TTLL9: variants seen among roughly 807,000 people sequenced by gnomAD.
TTLL9 encodes tubulin tyrosine ligase like 9, also known as probable tubulin polyglutamylase TTLL9.
In TTLL9, 47 loss-of-function variants were observed where a neutral mutation model predicts 65.6. That is an observed-to-expected ratio of 0.72 (90% CI 0.57 to 0.91). The LOEUF is 0.91. TTLL9 is among the 40% of genes least tolerant of loss of function. TTLL9 has a pLI of 0.00. For synonymous variants in TTLL9, 179 were observed against 204.8 expected, an observed-to-expected ratio of 0.87 and a Z score of 1.07; for missense variants, 537 against 568.8, an observed-to-expected ratio of 0.94 and a Z score of 0.57.
intron 4 of TTLL9, among the ~76,000 whole-genome samples, chr20:31,907,450 G>A (rs141748407): frequency 6.6e-6 from 1 of 152,272 alleles, no homozygotes; most frequent in Non-Finnish European, 1.5e-5. Context: ...GGCCGGGCAC[G>A]GTGGCTCACA....
intron 3 of TTLL9, among the ~76,000 whole-genome samples, chr20:31,890,083 TCTTG>T (rs1360179651): frequency 3.1e-4 from 44 of 141,610 alleles, no homozygotes; most frequent in East Asian, 1.4e-3. Flanking sequence ...TTTCTTGCTT[TCTTG>T]CTTTCTTTCC....
At chr20:31,937,824 G>A (rs1032614545) in intron 13 of TTLL9, among the ~76,000 whole-genome samples, 2 of 152,076 alleles carry the variant, frequency 1.3e-5, no homozygotes, top group Non-Finnish European at 2.9e-5. Flanking sequence ...TTCCTCATCT[G>A]TAAAATAGGA....
rs753629985 is a variant in TTLL9 at position 31,926,066 on chromosome 20, G to T, written c.723G>T (p.Leu241=). The part of the protein sequence containing the change: ...VLVMSVFAEC[L]LWSGHRRQDV... ...TCCCACAGGTGTTTGCTGAATGCCT[G>T]CTGTGGTCTGGGCACAGGAGACAGG... Residue 241 remains leucine, a synonymous_variant, in exon 10 of 15, where the codon CTG becomes CTT. Transcript: ENST00000535842. 2 of 1,612,840 alleles carry T rather than the reference G, an allele frequency of 1.2e-6. No individual in the cohort carries two copies. The highest frequency in any genetic ancestry group is 2.7e-5 in the African/African-American group (2 of 74,834).
At chr20:31,928,007 T>G (rs1386367731) in intron 10 of TTLL9, among the ~76,000 whole-genome samples, 1 of 152,200 alleles carries the variant, frequency 6.6e-6, no homozygotes. Flanking sequence ...AACAAGCATT[T>G]ATCATATGCA....
intron 4 of TTLL9, chr20:31,901,276 G>A (rs2063475418): frequency 6.6e-6 from 1 of 152,226 alleles, no homozygotes; most frequent in Admixed American, 6.5e-5. Flanking sequence ...CAGGGGAAAT[G>A]CCATGAGTGG....
rs1420784248 is a variant in TTLL9 at position 31,944,086 on chromosome 20, G to C, written c.*1065G>C. ...ACTGGCAAATCCAAGAAGTGAACCA[G>C]CCGACTTTAGGAAAGCCAGAAGCCA... On this transcript the variant is annotated 3_prime_UTR_variant, in exon 15 of 15. Transcript: ENST00000535842. 3.0e-6 allele frequency: 1 copy of C among 328,878 alleles called. No individual in the cohort carries two copies. The highest frequency in any genetic ancestry group is 3.8e-5 in the Admixed American group (1 of 26,050). The allele number at this position is 328,878 out of a possible 1,614,324, so 20.4% of individuals were successfully genotyped here.
chr20:31,937,644 G>A (rs1600629829), intron 13 of TTLL9, 135 bp downstream of exon 13: 1 of 648,744 alleles, frequency 1.5e-6, no homozygotes, highest in Non-Finnish European at 2.6e-6. Flanking sequence ...CCACTTTATA[G>A]ATGGAGAAGC....
At chr20:31,942,613 C>G (rs1187657397) in intron 14 of TTLL9, among the ~76,000 whole-genome samples, 1 of 152,200 alleles carries the variant, frequency 6.6e-6, no homozygotes, top group African/African-American at 2.4e-5. Flanking sequence ...GTTTTCCCTT[C>G]TACACATCAT....
chr20:31,913,378 CAGG>C (rs1001881355), intron 6 of TTLL9, among the ~76,000 whole-genome samples: 2 of 152,126 alleles, frequency 1.3e-5, no homozygotes, highest in African/African-American at 4.8e-5. Flanking sequence ...GGATTCCTTT[CAGG>C]AGGAGAGAGT....
chr20:31,897,866 C>T (rs1202337016), intron 3 of TTLL9, among the ~76,000 whole-genome samples: 1 of 152,146 alleles, frequency 6.6e-6, no homozygotes, highest in African/African-American at 2.4e-5. Flanking sequence ...CTGGCTAGGC[C>T]GCTCCTTTCT....
chr20:31,897,610 C>A (rs996729197), intron 3 of TTLL9, among the ~76,000 whole-genome samples: 1 of 152,194 alleles, frequency 6.6e-6, no homozygotes, highest in Admixed American at 6.5e-5. Context: ...GAAGTCCAGG[C>A]TCCACACATG....
rs187564808 is a variant in TTLL9 at position 31,893,907 on chromosome 20, T to C, written c.114-4566T>C. Among the ~76,000 whole-genome samples, 38 of 152,232 alleles carry C rather than the reference T, an allele frequency of 2.5e-4. No individual in the cohort carries two copies. The East Asian group carries it at 6.9e-3, about 28-fold the overall frequency. ...GTTATATGTATGTTAGACTGCTTGA[T>C]ATTATCTCACGAGTCACTGAGGTTC... On this transcript the variant is annotated intron_variant, in intron 3 of 14. Coordinates refer to ENST00000535842, the MANE Select transcript of TTLL9 (RefSeq NM_001008409.5).
intron 10 of TTLL9, among the ~76,000 whole-genome samples, chr20:31,929,749 A>G (rs969411711): frequency 6.6e-6 from 1 of 152,230 alleles, no homozygotes; most frequent in Non-Finnish European, 1.5e-5. Context: ...TACAGTATTA[A>G]GATTTTTCCT....
intron 7 of TTLL9, among the ~76,000 whole-genome samples, chr20:31,920,381 C>G (rs1025481078): frequency 6.6e-6 from 1 of 152,148 alleles, no homozygotes. Context: ...CTAGACTGAG[C>G]CTCGGGGGCA....
chr20:31,900,327 G>A (rs2063459811), intron 4 of TTLL9, among the ~76,000 whole-genome samples: 1 of 152,158 alleles, frequency 6.6e-6, no homozygotes, highest in South Asian at 2.1e-4. Context: ...AGAAAACTGG[G>A]CACAAAGTAG....
intron 2 of TTLL9, among the ~76,000 whole-genome samples, chr20:31,880,316 C>A (rs1253310614): frequency 6.6e-6 from 1 of 152,160 alleles, no homozygotes; most frequent in African/African-American, 2.4e-5. Flanking sequence ...TTCAAAACAA[C>A]GCTAATTAGT....
intron 10 of TTLL9, among the ~76,000 whole-genome samples, chr20:31,928,801 TC>T (rs2063954304): frequency 6.6e-6 from 1 of 152,216 alleles, no homozygotes; most frequent in South Asian, 2.1e-4. Flanking sequence ...ATATTCATGT[TC>T]CCATTTTTGC....
intron 4 of TTLL9, among the ~76,000 whole-genome samples, chr20:31,900,850 C>T (rs1342159007): frequency 6.6e-6 from 1 of 152,128 alleles, no homozygotes; most frequent in Non-Finnish European, 1.5e-5. Context: ...CCACTCCCTG[C>T]CCCTCTCCTG....
chr20:31,916,118 T>C (rs1016011072), intron 6 of TTLL9, among the ~76,000 whole-genome samples: 2 of 152,140 alleles, frequency 1.3e-5, no homozygotes, highest in African/African-American at 2.4e-5. Flanking sequence ...GAAGACTCAG[T>C]TGCCTTCCAG....
Sources: allele counts gnomAD v4.1 joint callset (sites outside exome capture counted in the v4.1 genomes callset), GRCh38; gene constraint gnomAD v4.1.1; transcripts MANE v1.5; gene names NCBI Gene and HGNC (gene_info 2026-07-23, HGNC 2026-07-21).